The following SIX5 variants were observed in gnomAD, a reference collection of about 807,000 sequenced individuals.
SIX5 encodes the protein homeobox protein SIX5.
Under a neutral mutation model 37.1 loss-of-function variants are expected in SIX5, and 21 were observed. The observed-to-expected ratio is 0.57, with a 90% CI of 0.40 to 0.81. The LOEUF (loss-of-function observed/expected upper bound fraction) is 0.81, where lower values mean the gene tolerates loss of function less well. Among genes scored for constraint, SIX5 ranks in the 40% least tolerant of loss-of-function variants. The pLI is 0.00. For synonymous variants in SIX5, 626 were observed against 505.9 expected, an observed-to-expected ratio of 1.24 and a Z score of -3.19; for missense variants, 1,137 against 1,025.1, an observed-to-expected ratio of 1.11 and a Z score of -1.49.
chr19:45,766,158 G>C, intron 2 of SIX5, 47 bp from the exon 3 acceptor site: 4 of 1,589,492 alleles, frequency 2.5e-6, no homozygotes, highest in Non-Finnish European at 3.4e-6. Context: ...AGGAGAGCAG[G>C]CCAAGCCAGA....
intron 2 of SIX5, 69 bp from the exon 3 acceptor site, chr19:45,766,180 A>G: frequency 6.4e-7 from 1 of 1,560,952 alleles, no homozygotes; most frequent in Non-Finnish European, 8.7e-7. Flanking sequence ...AGAAGTGGAG[A>G]CTGTGCAGCT....
At position 45,766,435 on chromosome 19, in the gene SIX5, T is replaced by C; in HGVS notation, c.1524A>G (p.Ala508=). 1 of 1,562,564 alleles carries C rather than the reference T, an allele frequency of 6.4e-7. No homozygotes were observed. ...AAGPGSPVKV[A]AAAGPANVHL... ...GCACATTGGCAGGGCCTGCTGCAGC[T>C]GCCACCTTCACAGGGCTGCCTGGCC... The change falls in exon 2 of 3, where the codon GCA becomes GCG. Residue 508 remains alanine (A), a synonymous_variant. Coordinates refer to ENST00000317578, the MANE Select transcript of SIX5 (RefSeq NM_175875.5).
At position 45,765,506 on chromosome 19, in the gene SIX5, G is replaced by T. The variant is rs139368585; in HGVS notation, c.2215C>A (p.Leu739Met). ...GGCCACGGGGCCACACTGGGTCACA[G>T]TTCCAAGGGCTCCTCCACAGGCACC... ...QSVPVEEPLEL is the reference protein window; with the variant it reads ...QSVPVEEPLEM Residue 739 changes from leucine (L) to methionine (M), a missense_variant, in exon 3 of 3, where the codon CTG becomes ATG. Around this residue, in one of 3 missense-constraint regions of SIX5, gnomAD observed 787 missense variants for 621.4 expected, o/e 1.27. Coordinates refer to ENST00000317578, the MANE Select transcript of SIX5 (RefSeq NM_175875.5). 2 of 1,613,418 alleles carry T rather than the reference G, an allele frequency of 1.2e-6. No homozygotes were observed. Among genetic ancestry groups the T allele is most frequent in the East Asian group, 2.2e-5 (1 of 44,886 alleles).
Position 45,765,433 on chromosome 19 carries a change from C to G in SIX5, c.*68G>C. On this transcript the variant is annotated 3_prime_UTR_variant, in exon 3 of 3. Coordinates refer to ENST00000317578, the MANE Select transcript of SIX5 (RefSeq NM_175875.5). Reference sequence around the variant, plus strand: ...CTTCAGCAACCGCATTTCTGGGGCTCCCCCCTCCCATTCCTGTCCCTGCGT... The same window carrying G: ...CTTCAGCAACCGCATTTCTGGGGCTGCCCCCTCCCATTCCTGTCCCTGCGT... 1 of 1,605,548 alleles carries G rather than the reference C, an allele frequency of 6.2e-7. No homozygotes were observed. The highest frequency in any genetic ancestry group is 8.5e-7 in the Non-Finnish European group (1 of 1,176,084).
chr19:45,767,973 C>CG, intron 1 of SIX5, 69 bp downstream of exon 1: 4 of 1,495,908 alleles, frequency 2.7e-6, no homozygotes, highest in Non-Finnish European at 2.7e-6. Flanking sequence ...GCAGTGGGCA[C>CG]GGGGGAAGAG....
Sources: allele counts gnomAD v4.1 joint callset, GRCh38; gene constraint gnomAD v4.1.1; regional missense constraint gnomAD v4.1.1; transcripts MANE v1.5; gene names NCBI Gene and HGNC (gene_info 2026-07-23, HGNC 2026-07-21).